CINP: variants seen among roughly 807,000 people sequenced by gnomAD.
CINP encodes the protein cyclin-dependent kinase 2-interacting protein.
Under a neutral mutation model 20.5 loss-of-function variants are expected in CINP, and 11 were observed. That is an observed-to-expected ratio of 0.54 (90% CI 0.34 to 0.89). CINP has a LOEUF of 0.89. CINP is among the 40% of genes least tolerant of loss of function. The probability of loss-of-function intolerance (pLI) is 0.02; values close to 1 mark genes in which losing one functional copy is unlikely to be tolerated. For synonymous variants in CINP, 108 were observed against 102.1 expected (o/e 1.06, Z -0.35); for missense variants, 213 against 251.0 (o/e 0.85, Z 1.02).
At position 102,348,559 on chromosome 14, in the gene CINP, A is replaced by C. The variant is rs1060499740; in HGVS notation, c.637T>G (p.Ter213GlyextTer21). The C allele has an allele frequency of 1.2e-5, 20 of 1,609,148 alleles. No individual in the cohort carries two copies. Among genetic ancestry groups the C allele is most frequent in the Non-Finnish European group, 1.6e-5 (19 of 1,178,636 alleles). Residue 213 changes from the stop codon to glycine, a stop_lost, in exon 5 of 5, where the codon TGA becomes GGA. Transcript: ENST00000216756. ...GTGTCCGCAGCCGTCTCAGGACGTC[A>C]GAGAGCTCGGTGGCCTGTCTCCAGC... is the stretch of plus-strand genomic sequence containing the variant. ...MLLETGHRAL[*>G] is the part of the protein sequence containing the mutation.
chr14:102,355,447 G>A lies in CINP; in HGVS notation c.306+321C>T, dbSNP rs150746936. The A allele has an allele frequency of 1.4e-3, 282 of 197,450 alleles. 1 individual carries two copies. The highest frequency in any genetic ancestry group is 5.3e-3 in the African/African-American group (228 of 43,020). 12.2% of individuals were successfully genotyped at this position (197,450 alleles called of 1,614,324 possible). On this transcript the variant is annotated intron_variant, in intron 3 of 4. Transcript: ENST00000216756. ...GGAGAATCGCTTGAGCCCAGGAGGC[G>A]GAGTTTGCGGTGAGCCAAGATCACG...
At chr14:102,355,003 A>G (rs528569842) in intron 3 of CINP, among the ~76,000 whole-genome samples, 1 of 151,098 alleles carries the variant, frequency 6.6e-6, no homozygotes, top group African/African-American at 2.4e-5. Flanking sequence ...TGGGAGGCGG[A>G]GTTTGCAGTG....
chr14:102,355,446 C>A (rs561172291), intron 3 of CINP: 5 of 196,302 alleles, frequency 2.5e-5, no homozygotes, highest in African/African-American at 9.3e-5. Context: ...GCCCAGGAGG[C>A]GGAGTTTGCG....
At chr14:102,349,763 A>G (rs1474675457) in intron 4 of CINP, among the ~76,000 whole-genome samples, 156 bp downstream of exon 4, 1 of 152,204 alleles carries the variant, frequency 6.6e-6, no homozygotes, top group African/African-American at 2.4e-5. Flanking sequence ...AAAGCCAAGA[A>G]GAAATGTTTA....
intron 2 of CINP, among the ~76,000 whole-genome samples, chr14:102,356,515 A>C (rs1887001922): frequency 6.6e-6 from 1 of 151,948 alleles, no homozygotes; most frequent in African/African-American, 2.4e-5. Context: ...TTCCTCAAAG[A>C]GTTCACAATC....
At chr14:102,359,791 C>A (rs1887097488) in intron 1 of CINP, among the ~76,000 whole-genome samples, 1 of 152,162 alleles carries the variant, frequency 6.6e-6, no homozygotes. Context: ...TTTTAAAATT[C>A]ACCAGATAGA....
At chr14:102,361,212 G>A (rs1160693487) in intron 1 of CINP, among the ~76,000 whole-genome samples, 1 of 152,110 alleles carries the variant, frequency 6.6e-6, no homozygotes, top group African/African-American at 2.4e-5. Flanking sequence ...TGATAATGAG[G>A]TTGGTGAGTT....
chr14:102,348,474 C>T lies in CINP; in HGVS notation c.*83G>A, dbSNP rs2139622730. ...CAAGGTCTGATCCTGGGGTCTGATC[C>T]AGGCCTGCGGCACTGGGTCCTAGGC... is the stretch of plus-strand genomic sequence containing the variant. On this transcript the variant is annotated 3_prime_UTR_variant, in exon 5 of 5. Transcript: ENST00000216756. The T allele has an allele frequency of 6.9e-6, 9 of 1,298,404 alleles. No individual in the cohort carries two copies. The highest frequency in any genetic ancestry group is 9.6e-6 in the Non-Finnish European group (9 of 940,302). 80.4% of individuals were successfully genotyped at this position (1,298,404 alleles called of 1,614,324 possible).
At chr14:102,359,754 A>G (rs774765787) in intron 1 of CINP, among the ~76,000 whole-genome samples, 167 bp from the exon 2 acceptor site, 3 of 152,252 alleles carry the variant, frequency 2.0e-5, no homozygotes, top group African/African-American at 4.8e-5. Flanking sequence ...AGTTCCTGGA[A>G]GAAGACAATA....
rs1229826856 is a variant in CINP, at chr14:102,355,761, G to A, written c.306+7C>T. ...GACCACAAGTGGCCTGCGTCTTTATGTCTTACCAACCCATCCAAGGTGGCC... is the reference window on the plus strand; with the variant it reads ...GACCACAAGTGGCCTGCGTCTTTATATCTTACCAACCCATCCAAGGTGGCC... On this transcript the variant is annotated splice_region_variant and intron_variant, in intron 3 of 4. Coordinates refer to ENST00000216756, the MANE Select transcript of CINP (RefSeq NM_032630.3). 3 of 1,613,556 alleles carry A rather than the reference G, an allele frequency of 1.9e-6. No homozygotes were observed. In the African/African-American group the frequency reaches 4.0e-5, roughly 22 times the overall value.
At chr14:102,353,497 G>A (rs895843725) in intron 3 of CINP, among the ~76,000 whole-genome samples, 25 of 151,232 alleles carry the variant, frequency 1.7e-4, no homozygotes, top group Non-Finnish European at 2.2e-4. Context: ...CAATAGGTGG[G>A]ACCCAAAGAA....
In CINP at chr14:102,355,914, A is replaced by G. The variant is rs200254040; in HGVS notation, c.177-17T>C. 3 of 1,613,162 alleles carry G rather than the reference A, an allele frequency of 1.9e-6. No homozygotes were observed. The highest frequency in any genetic ancestry group is 2.5e-6 in the Non-Finnish European group (3 of 1,179,544). ...TCTTTATTCCTAAACAAAATAGAAA[A>G]TAATGTGTACAAAATATACTCTTTA... On this transcript the variant is annotated splice_polypyrimidine_tract_variant and intron_variant, in intron 2 of 4. Coordinates refer to ENST00000216756, the MANE Select transcript of CINP (RefSeq NM_032630.3).
At chr14:102,353,812 G>T (rs1886929668) in intron 3 of CINP, among the ~76,000 whole-genome samples, 1 of 150,888 alleles carries the variant, frequency 6.6e-6, no homozygotes, top group Non-Finnish European at 1.5e-5. Flanking sequence ...GCTAAGGCAG[G>T]GCGCCAGGGC....
Position 102,348,658 on chromosome 14 carries a change from G to A in CINP, c.538C>T (p.Leu180=). ...TGCAGCCACATGGACAGGTAGCTCAGGGTGAGGTCGGGATCCCCGGTGTGG... is the reference window on the plus strand; with the variant it reads ...TGCAGCCACATGGACAGGTAGCTCAAGGTGAGGTCGGGATCCCCGGTGTGG... The part of the protein sequence containing the change: ...LAHTGDPDLT[L]SYLSMWLHQP... Residue 180 remains leucine (L), a synonymous_variant, in exon 5 of 5, where the codon CTG becomes TTG. Transcript: ENST00000216756. 6.2e-7 allele frequency: 1 copy of A among 1,614,082 alleles called. No homozygotes were observed. Among genetic ancestry groups the A allele is most frequent in the Non-Finnish European group, 8.5e-7 (1 of 1,179,976 alleles).
chr14:102,359,862 C>T (rs1392782677), intron 1 of CINP, among the ~76,000 whole-genome samples: 8 of 152,114 alleles, frequency 5.3e-5, no homozygotes, highest in Non-Finnish European at 1.0e-4. Flanking sequence ...CTTTGTTTTC[C>T]AAAGATTGGA....
chr14:102,350,714 GCT>G (rs759772323), intron 3 of CINP, among the ~76,000 whole-genome samples: 17 of 149,828 alleles, frequency 1.1e-4, no homozygotes, highest in South Asian at 2.1e-4. Context: ...CGTTTCTGAT[GCT>G]CTCTCTCTCT....
rs535263401 is a variant in CINP, at chr14:102,358,336, C to G, written c.176+1083G>C. Among the ~76,000 whole-genome samples, 434 of 152,298 alleles carry G rather than the reference C, an allele frequency of 2.8e-3. 3 individuals are homozygous for G. The highest frequency in any genetic ancestry group is 4.4e-3 in the Non-Finnish European group (299 of 68,042). ...ACTATTAAACAGCAATGAGAAAGAA[C>G]AGAACCAGAATAGTGGCTCTACATT... On this transcript the variant is annotated intron_variant, in intron 2 of 4. Coordinates refer to ENST00000216756, the MANE Select transcript of CINP (RefSeq NM_032630.3).
Position 102,353,737 on chromosome 14 carries a change from C to T in CINP, c.306+2031G>A, listed in dbSNP as rs370241832. 7.2e-5 allele frequency among the ~76,000 whole-genome samples: 11 copies of T among 152,152 alleles called. No homozygotes were observed. The East Asian group carries it at 1.9e-3, about 27-fold the overall frequency. On this transcript the variant is annotated intron_variant, in intron 3 of 4. Transcript: ENST00000216756. Reference sequence around the variant, plus strand: ...AGAAACTGTCACGGCCAAAAGGAGCCTGAGGAAACAAGGGGACTCGATGTC... The same window carrying T: ...AGAAACTGTCACGGCCAAAAGGAGCTTGAGGAAACAAGGGGACTCGATGTC...
chr14:102,358,223 G>A (rs917659200), intron 2 of CINP, among the ~76,000 whole-genome samples: 2 of 152,224 alleles, frequency 1.3e-5, no homozygotes, highest in African/African-American at 4.8e-5. Flanking sequence ...GAAAGACACT[G>A]TGCACACTGT....
Sources: gnomAD v4.1 joint callset for allele counts (sites outside exome capture counted in the v4.1 genomes callset) on GRCh38, gnomAD v4.1.1 for gene constraint, MANE v1.5 for transcripts, NCBI Gene and HGNC (gene_info 2026-07-23, HGNC 2026-07-21) for gene names.